Variants in DHRS12 observed in about 807,000 individuals in gnomAD.
DHRS12 encodes dehydrogenase/reductase SDR family member 12.
In DHRS12, 29 loss-of-function variants were observed where a neutral mutation model predicts 32.1. The ratio of observed to expected loss-of-function variants is 0.90; its 90% CI spans 0.67 to 1.23. The LOEUF is 1.23. Among genes scored for constraint, DHRS12 ranks in the 50% most tolerant of loss-of-function variants. The pLI, the probability that DHRS12 is intolerant of heterozygous loss-of-function variation, is 0.00. For missense variants in DHRS12, 330 were observed against 337.2 expected (o/e 0.98, Z 0.17); for synonymous variants, 150 against 135.9 (o/e 1.10, Z -0.72).
the DHRS12 span, chr13:51,755,558 A>AG: frequency 1.4e-5 from 16 of 1,157,380 alleles, no homozygotes; most frequent in Admixed American, 2.7e-4. Flanking sequence ...AGTTGTGGTG[A>AG]GGGTAAATTA....
intron 2 of DHRS12, chr13:51,798,027 T>C (rs143831001): frequency 1.3e-5 from 13 of 1,034,240 alleles, no homozygotes; most frequent in Middle Eastern, 2.4e-4. Flanking sequence ...TAAGCCTAGA[T>C]GGGTGGTTCC....
At chr13:51,773,804 A>G in intron 6 of DHRS12, 126 bp downstream of exon 6, 1 of 772,860 alleles carries the variant, frequency 1.3e-6, no homozygotes, top group South Asian at 1.7e-5. Context: ...TGGTGAGGGA[A>G]CATTTTCAGG....
the DHRS12 span, chr13:51,762,541 TG>T: frequency 6.6e-6 from 1 of 152,234 alleles, no homozygotes; most frequent in Non-Finnish European, 1.5e-5. Flanking sequence ...TGTGAATTCT[TG>T]CGTTTTGCAT....
intron 2 of DHRS12, among the ~76,000 whole-genome samples, chr13:51,792,067 C>T (rs529017407): frequency 6.6e-6 from 1 of 152,306 alleles, no homozygotes; most frequent in East Asian, 1.9e-4. Context: ...CGTGAAGGTG[C>T]TAATGGCTCT....
intron 7 of DHRS12, among the ~76,000 whole-genome samples, chr13:51,769,917 G>A (rs745882583): frequency 1.3e-5 from 2 of 152,118 alleles, no homozygotes; most frequent in Non-Finnish European, 2.9e-5. Flanking sequence ...CCACGCCTTC[G>A]AGGACCCAGC....
chr13:51,768,097 G>C lies in DHRS12; in HGVS notation c.*90C>G, dbSNP rs1486592006. ...GGCACAACGTCTTCGAGGGGAAGTT[G>C]AAGTGGGGTCTTCTTATTCACTGGT... On this transcript the variant is annotated 3_prime_UTR_variant, in exon 9 of 9. Transcript: ENST00000444610. The C allele has an allele frequency of 1.3e-6, 2 of 1,503,308 alleles. No homozygotes were observed. Among genetic ancestry groups the C allele is most frequent in the African/African-American group, 2.9e-5 (2 of 69,364 alleles). 93.1% of individuals were successfully genotyped at this position (1,503,308 alleles called of 1,614,324 possible).
the DHRS12 span, among the ~76,000 whole-genome samples, chr13:51,758,867 C>T: frequency 5.0e-3 from 755 of 152,196 alleles, 5 homozygotes; most frequent in African/African-American, 0.014. Context: ...ACCAGATCTC[C>T]GTGACTTTGA....
chr13:51,798,816 G>T (rs1243182548), intron 2 of DHRS12, among the ~76,000 whole-genome samples: 1 of 152,190 alleles, frequency 6.6e-6, no homozygotes, highest in African/African-American at 2.4e-5. Context: ...CATTTTTCCT[G>T]AAGAGGCTCT....
rs146607717 is a variant in DHRS12 at position 51,777,072 on chromosome 13, G to A, written c.351C>T (p.His117=). The part of the protein sequence containing the change: ...TGLIPVLEKE[H]DPRVITVSSG... ...AAGGTCAACTCACCACTCGGGGGTCGTGTTCTTTCTCCAGCACAGGGATCA... is the reference window on the plus strand; with the variant it reads ...AAGGTCAACTCACCACTCGGGGGTCATGTTCTTTCTCCAGCACAGGGATCA... Residue 117 remains histidine (H), a synonymous_variant, in exon 5 of 9, where the codon CAC becomes CAT. Transcript: ENST00000444610. 86 of 1,613,960 alleles carry A rather than the reference G, an allele frequency of 5.3e-5. No individual in the cohort carries two copies. The highest frequency in any genetic ancestry group is 6.4e-5 in the Non-Finnish European group (76 of 1,180,022).
downstream of DHRS12, chr13:51,767,605 G>A (rs1346181302): frequency 2.6e-5 from 4 of 153,214 alleles, no homozygotes; most frequent in African/African-American, 7.2e-5. Flanking sequence ...GTAAATTAGA[G>A]GTTTTATCAA....
chr13:51,773,902 G>A, intron 6 of DHRS12, 28 bp downstream of exon 6: 2 of 1,594,098 alleles, frequency 1.3e-6, no homozygotes, highest in Non-Finnish European at 1.7e-6. Context: ...TGGGTAAAAT[G>A]CAGTCTCAGG....
intron 4 of DHRS12, chr13:51,789,676 G>A: frequency 1.0e-6 from 1 of 985,386 alleles, no homozygotes; most frequent in Non-Finnish European, 1.2e-6. Context: ...AGCCCTGGCT[G>A]GAAGTTCCTT....
At chr13:51,797,954 C>T (rs1200276718) in intron 2 of DHRS12, 1 of 1,506,820 alleles carries the variant, frequency 6.6e-7, no homozygotes, top group South Asian at 1.2e-5. Flanking sequence ...GCGAGAGCTA[C>T]AGAAACCAGC....
intron 4 of DHRS12, among the ~76,000 whole-genome samples, chr13:51,786,370 G>A (rs1022721018): frequency 5.9e-5 from 9 of 151,990 alleles, no homozygotes; most frequent in Admixed American, 6.6e-5. Context: ...CAGCCTCCCC[G>A]CCCTCCCTCT....
intron 4 of DHRS12, among the ~76,000 whole-genome samples, chr13:51,785,900 T>A (rs2139191096): frequency 6.6e-6 from 1 of 152,344 alleles, no homozygotes. Context: ...TGAGCCTCAG[T>A]TTCCTCATTT....
intron 5 of DHRS12, chr13:51,774,405 T>C (rs1954237795): frequency 9.0e-6 from 1 of 110,704 alleles, no homozygotes; most frequent in African/African-American, 4.7e-5. Flanking sequence ...CTACATGTAT[T>C]CTACAGTATT....
At chr13:51,796,721 T>A (rs936282627) in intron 2 of DHRS12, among the ~76,000 whole-genome samples, 24 of 152,158 alleles carry the variant, frequency 1.6e-4, no homozygotes, top group African/African-American at 5.8e-4. Flanking sequence ...CCGAAAGTTA[T>A]CAGCAGGCAG....
the DHRS12 span, chr13:51,761,826 A>C: frequency 2.0e-5 from 3 of 152,172 alleles, no homozygotes; most frequent in Non-Finnish European, 4.4e-5. Flanking sequence ...CACTTGAGCC[A>C]TCAGACCGGC....
At chr13:51,789,083 TG>T (rs1955137549) in intron 4 of DHRS12, among the ~76,000 whole-genome samples, 1 of 152,180 alleles carries the variant, frequency 6.6e-6, no homozygotes, top group Admixed American at 6.5e-5. Context: ...AGTGATATGT[TG>T]GCTTCCAACT....
Sources: gnomAD v4.1 joint callset for allele counts (sites outside exome capture counted in the v4.1 genomes callset) on GRCh38, gnomAD v4.1.1 for gene constraint, MANE v1.5 for transcripts, NCBI Gene and HGNC (gene_info 2026-07-23, HGNC 2026-07-21) for gene names.